The following PRKAR1B variants were observed in gnomAD, a reference collection of about 807,000 sequenced individuals.
The protein encoded by PRKAR1B is cAMP-dependent protein kinase type I-beta regulatory subunit.
PRKAR1B carries 22 observed loss-of-function variants against 46.5 expected under a neutral mutation model. The ratio of observed to expected loss-of-function variants is 0.47; its 90% CI spans 0.34 to 0.68. PRKAR1B has a LOEUF of 0.68. Among genes scored for constraint, PRKAR1B ranks in the 30% least tolerant of loss-of-function variants. PRKAR1B has a pLI of 0.01. For synonymous variants in PRKAR1B, 259 were observed against 217.7 expected, an observed-to-expected ratio of 1.19 and a Z score of -1.67; for missense variants, 445 against 535.6, an observed-to-expected ratio of 0.83 and a Z score of 1.67.
At chr7:675,078 T>C (rs1457671125) in intron 4 of PRKAR1B, among the ~76,000 whole-genome samples, 1 of 152,202 alleles carries the variant, frequency 6.6e-6, no homozygotes, top group Non-Finnish European at 1.5e-5. Flanking sequence ...AGGAGTCTCC[T>C]GCCTAACCAC....
At position 696,433 on chromosome 7, in the gene PRKAR1B, G is replaced by C. The variant is rs151312138; in HGVS notation, c.177+14896C>G. Among the ~76,000 whole-genome samples the C allele has an allele frequency of 7.9e-3, 1,194 of 152,072 alleles. 20 individuals carry two copies. The highest frequency in any genetic ancestry group is 0.027 in the African/African-American group (1,138 of 41,478). On this transcript the variant is annotated intron_variant, in intron 2 of 10. Coordinates refer to ENST00000537384, the MANE Select transcript of PRKAR1B (RefSeq NM_001164760.2). ...ATTACAGACATCAGCCACCACACCT[G>C]GCTAATTTTTGTATTTTTAGTACAG...
intron 9 of PRKAR1B, among the ~76,000 whole-genome samples, chr7:564,912 T>C (rs1216242656): frequency 1.3e-5 from 2 of 151,768 alleles, no homozygotes; most frequent in Non-Finnish European, 2.9e-5. Flanking sequence ...CATCCCTGAG[T>C]GGAGATTTAT....
rs1784043520 is a variant in PRKAR1B, at chr7:549,502, C to G, written c.*928G>C. On this transcript the variant is annotated 3_prime_UTR_variant, in exon 11 of 11. Transcript: ENST00000537384. ...CCCTGGGAAGCTTCTCTGCACTGGC[C>G]TCACCCTTTCGGGCCTGGCTGGCTC... The G allele has an allele frequency of 6.6e-6, 1 of 152,422 alleles. No individual in the cohort carries two copies. Among genetic ancestry groups the G allele is most frequent in the South Asian group, 2.1e-4 (1 of 4,838 alleles). The allele number at this position is 152,422 out of a possible 1,614,324, so 9.4% of individuals were successfully genotyped here.
At chr7:583,740 A>G (rs941561732) in intron 8 of PRKAR1B, among the ~76,000 whole-genome samples, 2 of 150,908 alleles carry the variant, frequency 1.3e-5, no homozygotes, top group Non-Finnish European at 2.9e-5. Context: ...ACACATGCAC[A>G]CACCCATGCA....
At chr7:628,021 C>G (rs1324881655) in intron 4 of PRKAR1B, among the ~76,000 whole-genome samples, 1 of 151,716 alleles carries the variant, frequency 6.6e-6, no homozygotes, top group East Asian at 2.0e-4. Flanking sequence ...GGCCTCATCA[C>G]AGGGGGACAG....
At chr7:630,412 G>A (rs2128478688) in intron 4 of PRKAR1B, among the ~76,000 whole-genome samples, 1 of 152,370 alleles carries the variant, frequency 6.6e-6, no homozygotes, top group East Asian at 1.9e-4. Flanking sequence ...GCAGCGGGCA[G>A]CGGTTGGGGT....
intron 4 of PRKAR1B, among the ~76,000 whole-genome samples, chr7:636,482 GA>G: frequency 6.6e-6 from 1 of 152,096 alleles, no homozygotes; most frequent in South Asian, 2.1e-4. Context: ...GTGCCCACCG[GA>G]TGCTGGGGCT....
intron 9 of PRKAR1B, among the ~76,000 whole-genome samples, chr7:577,227 C>A (rs1779908669): frequency 1.3e-5 from 2 of 152,242 alleles, no homozygotes; most frequent in South Asian, 4.1e-4. Context: ...CAAACATCCA[C>A]TGGGACTTGA....
intron 2 of PRKAR1B, among the ~76,000 whole-genome samples, chr7:690,507 AC>A (rs372661855): frequency 0.011 from 1,675 of 152,312 alleles, 17 homozygotes; most frequent in Non-Finnish European, 0.018. Flanking sequence ...AACAACAACA[AC>A]AAATTTCAAG....
chr7:724,881 T>C (rs1019827287), intron 1 of PRKAR1B, among the ~76,000 whole-genome samples: 1 of 152,178 alleles, frequency 6.6e-6, no homozygotes, highest in African/African-American at 2.4e-5. Context: ...GAGGAAACAA[T>C]GAATGAAGGT....
At chr7:605,673 G>A (rs577446410) in intron 6 of PRKAR1B, among the ~76,000 whole-genome samples, 58 of 152,328 alleles carry the variant, frequency 3.8e-4, no homozygotes, top group African/African-American at 1.3e-3. Flanking sequence ...TGAGACAAGC[G>A]TGGGAAGATG....
chr7:606,462 G>A (rs1262033261), intron 5 of PRKAR1B, among the ~76,000 whole-genome samples: 1 of 152,132 alleles, frequency 6.6e-6, no homozygotes, highest in Non-Finnish European at 1.5e-5. Context: ...ACAATGAGAG[G>A]TGTTTTTCTT....
At chr7:672,106 A>G (rs1230004003) in intron 4 of PRKAR1B, among the ~76,000 whole-genome samples, 9 of 152,070 alleles carry the variant, frequency 5.9e-5, no homozygotes, top group Non-Finnish European at 1.2e-4. Context: ...CCTGGCACAC[A>G]ATGAATCCTC....
chr7:718,999 G>A (rs995329045), intron 1 of PRKAR1B, among the ~76,000 whole-genome samples: 1 of 150,284 alleles, frequency 6.7e-6, no homozygotes, highest in Non-Finnish European at 1.5e-5. Flanking sequence ...AGCCTCCTGA[G>A]TAGCTGGGAT....
chr7:701,621 G>A (rs1780073888), intron 2 of PRKAR1B, among the ~76,000 whole-genome samples: 1 of 152,162 alleles, frequency 6.6e-6, no homozygotes, highest in Admixed American at 6.5e-5. Context: ...GGAAAATCAT[G>A]AAAGAAGCCA....
In PRKAR1B at chr7:596,298, C is replaced by G. The variant is rs369261319; in HGVS notation, c.556G>C (p.Val186Leu). The stretch of plus-strand genomic sequence containing the variant: ...ATGTTGGTCACCCACTCTCCGTTCA[C>G]GTACACCTTTGGGGAGCAAGAGAGA... ...VVDQGEVDVY[V>L]NGEWVTNISE... The change falls in exon 7 of 11, where the codon GTG becomes CTG. Residue 186 changes from valine (V) to leucine (L), a missense_variant. This residue lies in a region of PRKAR1B where 94 missense variants were observed against 126.9 expected (regional missense o/e 0.74). Transcript: ENST00000537384. The G allele has an allele frequency of 6.2e-7, 1 of 1,612,008 alleles. No homozygotes were observed. Among genetic ancestry groups the G allele is most frequent in the Non-Finnish European group, 8.5e-7 (1 of 1,178,744 alleles).
rs140307852 is a variant in PRKAR1B at position 678,812 on chromosome 7, G to A, written c.349-1492C>T. Among the ~76,000 whole-genome samples the A allele has an allele frequency of 3.8e-3, 580 of 152,352 alleles. 11 individuals carry two copies. The East Asian group carries it at 0.093, about 24-fold the overall frequency. ...TTAAAAATGTAAGTGTTGGATGGGC[G>A]TGGTGGCTCACACCTGTAATCCCAG... On this transcript the variant is annotated intron_variant, in intron 3 of 10. Transcript: ENST00000537384.
intron 2 of PRKAR1B, among the ~76,000 whole-genome samples, chr7:687,040 C>T (rs970325170): frequency 2.6e-5 from 4 of 152,202 alleles, no homozygotes; most frequent in Admixed American, 2.6e-4. Flanking sequence ...TCATCTCAGT[C>T]CCTAATTGGA....
At chr7:581,460 G>A (rs1780181269) in intron 8 of PRKAR1B, among the ~76,000 whole-genome samples, 1 of 152,206 alleles carries the variant, frequency 6.6e-6, no homozygotes, top group Non-Finnish European at 1.5e-5. Flanking sequence ...TGTTCAGGGT[G>A]CAGAATGAGA....
Sources: gnomAD v4.1 joint callset for allele counts (sites outside exome capture counted in the v4.1 genomes callset) on GRCh38, gnomAD v4.1.1 for gene constraint, gnomAD v4.1.1 regional missense constraint, MANE v1.5 for transcripts, NCBI Gene and HGNC (gene_info 2026-07-23, HGNC 2026-07-21) for gene names.